Variants in MCUB observed in about 807,000 individuals in gnomAD.
The protein encoded by MCUB is mitochondrial calcium uniporter dominant negative subunit beta, also known as calcium uniporter regulatory subunit MCUb, mitochondrial.
In MCUB, 46 loss-of-function variants were observed where a neutral mutation model predicts 41.4. That is an observed-to-expected ratio of 1.11 (90% CI 0.88 to 1.42). The LOEUF is 1.42. Among genes scored for constraint, MCUB ranks in the 40% most tolerant of loss-of-function variants. MCUB has a pLI of 0.00. For missense variants in MCUB, 403 were observed against 404.9 expected (o/e 1.00, Z 0.04); for synonymous variants, 148 against 148.2 (o/e 1.00, Z 0.01).
At chr4:109,641,237 C>T (rs1005021127) in intron 1 of MCUB, among the ~76,000 whole-genome samples, 3 of 150,444 alleles carry the variant, frequency 2.0e-5, no homozygotes, top group Non-Finnish European at 3.0e-5. Context: ...GGACTATGGG[C>T]GCCCGCCATA....
At chr4:109,615,532 A>G (rs10006897) in intron 1 of MCUB, among the ~76,000 whole-genome samples, 108,722 of 151,436 alleles carry the variant, frequency 0.72, 39,220 homozygotes, top group African/African-American at 0.78. Context: ...TCAGTCTCCC[A>G]AGTAGCTGGG....
chr4:109,648,812 G>A (rs1728896350), intron 1 of MCUB, among the ~76,000 whole-genome samples: 1 of 148,226 alleles, frequency 6.7e-6, no homozygotes, highest in African/African-American at 2.5e-5. Flanking sequence ...TAGAACTAAT[G>A]AACCCAAAGA....
chr4:109,667,941 T>C (rs1358960904), intron 4 of MCUB, among the ~76,000 whole-genome samples: 1 of 152,026 alleles, frequency 6.6e-6, no homozygotes, highest in Non-Finnish European at 1.5e-5. Flanking sequence ...CTAAGTATTT[T>C]GGGATTTTCC....
At chr4:109,618,443 TC>T (rs1172282751) in intron 1 of MCUB, among the ~76,000 whole-genome samples, 8 of 152,146 alleles carry the variant, frequency 5.3e-5, no homozygotes, top group Non-Finnish European at 1.5e-5. Context: ...TGCCTCCCAT[TC>T]TCTTTCTCCT....
chr4:109,586,820 C>T (rs950713611), intron 1 of MCUB, among the ~76,000 whole-genome samples: 1 of 152,186 alleles, frequency 6.6e-6, no homozygotes, highest in African/African-American at 2.4e-5. Flanking sequence ...CTGATCCTTC[C>T]TCTGGAAGCT....
chr4:109,639,422 T>A (rs1728668216), intron 1 of MCUB, among the ~76,000 whole-genome samples: 1 of 151,526 alleles, frequency 6.6e-6, no homozygotes, highest in South Asian at 2.1e-4. Context: ...TGGCACAGGG[T>A]CTCACACCTA....
chr4:109,609,425 A>G (rs552038537), intron 1 of MCUB, among the ~76,000 whole-genome samples: 1 of 152,264 alleles, frequency 6.6e-6, no homozygotes, highest in South Asian at 2.1e-4. Flanking sequence ...TGCTGATGGG[A>G]GTGTAGCAGT....
At chr4:109,621,558 A>G (rs992906901) in intron 1 of MCUB, among the ~76,000 whole-genome samples, 11 of 152,342 alleles carry the variant, frequency 7.2e-5, no homozygotes, top group South Asian at 4.1e-4. Flanking sequence ...GAAAAAGGAC[A>G]TGAATTTAAG....
At chr4:109,628,742 C>G (rs529743359) in intron 1 of MCUB, among the ~76,000 whole-genome samples, 7 of 152,316 alleles carry the variant, frequency 4.6e-5, no homozygotes, top group Non-Finnish European at 7.3e-5. Flanking sequence ...AAAATAATTT[C>G]TACCCTTCTG....
intron 1 of MCUB, among the ~76,000 whole-genome samples, chr4:109,634,043 C>T (rs1728534869): frequency 6.6e-6 from 1 of 152,168 alleles, no homozygotes; most frequent in Admixed American, 6.6e-5. Context: ...ATTTAAATCT[C>T]ATTTCAGAGG....
At chr4:109,582,747 A>G (rs921650533) in intron 1 of MCUB, among the ~76,000 whole-genome samples, 1 of 152,130 alleles carries the variant, frequency 6.6e-6, no homozygotes, top group Admixed American at 6.5e-5. Flanking sequence ...ATTTTTATGT[A>G]AGGTGTAAGG....
At chr4:109,682,557 T>C (rs1234786411) in intron 4 of MCUB, 25 bp from the exon 5 acceptor site, 2 of 1,582,268 alleles carry the variant, frequency 1.3e-6, no homozygotes, top group East Asian at 4.5e-5. Flanking sequence ...GGTGACTGGC[T>C]TGTTTCCCTT....
chr4:109,639,067 A>G (rs1448518515), intron 1 of MCUB, among the ~76,000 whole-genome samples: 1 of 152,188 alleles, frequency 6.6e-6, no homozygotes, highest in Non-Finnish European at 1.5e-5. Context: ...AGCTCCTCCC[A>G]TGAATCATGA....
At chr4:109,634,821 T>C (rs1296610287) in intron 1 of MCUB, among the ~76,000 whole-genome samples, 1 of 152,204 alleles carries the variant, frequency 6.6e-6, no homozygotes, top group East Asian at 1.9e-4. Context: ...TTTTAAATTA[T>C]TATTATTATA....
At chr4:109,665,779 A>G (rs1729331363) in intron 4 of MCUB, among the ~76,000 whole-genome samples, 1 of 152,122 alleles carries the variant, frequency 6.6e-6, no homozygotes, top group Admixed American at 6.6e-5. Flanking sequence ...CTGATTGTAT[A>G]GCCTTTTCAG....
intron 4 of MCUB, among the ~76,000 whole-genome samples, chr4:109,665,464 A>C (rs541529240): frequency 6.6e-6 from 1 of 152,298 alleles, no homozygotes; most frequent in South Asian, 2.1e-4. Flanking sequence ...ATTAAGAATT[A>C]TACAGAATAG....
intron 1 of MCUB, among the ~76,000 whole-genome samples, chr4:109,591,649 TAG>T (rs1200339249): frequency 6.6e-6 from 1 of 152,188 alleles, no homozygotes; most frequent in Non-Finnish European, 1.5e-5. Flanking sequence ...CATCAATAAC[TAG>T]AGAGAGAATT....
At chr4:109,616,411 A>G (rs17440077) in intron 1 of MCUB, among the ~76,000 whole-genome samples, 36,493 of 152,102 alleles carry the variant, frequency 0.24, 5,442 homozygotes, top group South Asian at 0.37. Context: ...CTCTAGTGGA[A>G]TATGCACAAT....
chr4:109,625,496 T>C (rs1235631132), intron 1 of MCUB, among the ~76,000 whole-genome samples: 2 of 152,262 alleles, frequency 1.3e-5, no homozygotes, highest in Non-Finnish European at 2.9e-5. Context: ...TGTTAGAAGA[T>C]GTTACCCCTG....
Sources: gnomAD v4.1 joint callset for allele counts (sites outside exome capture counted in the v4.1 genomes callset) on GRCh38, gnomAD v4.1.1 for gene constraint, MANE v1.5 for transcripts, NCBI Gene and HGNC (gene_info 2026-07-23, HGNC 2026-07-21) for gene names.